RFX2: variants seen among roughly 807,000 people sequenced by gnomAD.
RFX2 encodes the protein DNA-binding protein RFX2.
Under a neutral mutation model 87.8 loss-of-function variants are expected in RFX2, and 20 were observed. The ratio of observed to expected loss-of-function variants is 0.23; its 90% CI spans 0.16 to 0.33. RFX2 has a LOEUF of 0.33. RFX2 is among the 10% of genes least tolerant of loss of function. RFX2 has a pLI of 1.00. For missense variants in RFX2, 767 were observed against 1,012.3 expected, an observed-to-expected ratio of 0.76 and a Z score of 3.29; for synonymous variants, 397 against 431.3, an observed-to-expected ratio of 0.92 and a Z score of 0.98.
At chr19:6,086,758 C>T (rs150412983) in intron 1 of RFX2, among the ~76,000 whole-genome samples, 6 of 152,272 alleles carry the variant, frequency 3.9e-5, no homozygotes, top group East Asian at 1.9e-4. Context: ...TTCAGTGATG[C>T]GCTTCCTTAC....
Position 6,094,024 on chromosome 19 carries a change from T to A in RFX2, c.-9+16369A>T, listed in dbSNP as rs183827507. Among the ~76,000 whole-genome samples the A allele has an allele frequency of 3.3e-5, 5 of 152,264 alleles. No individual in the cohort carries two copies. In the East Asian group the frequency reaches 9.7e-4, roughly 29 times the overall value. On this transcript the variant is annotated intron_variant, in intron 1 of 17. Transcript: ENST00000303657. Reference sequence around the variant, plus strand: ...GAATTAGATGGTGGTGATGGTTGCATAACCTTGTGAATATACTGAAAGCCA... The same window carrying A: ...GAATTAGATGGTGGTGATGGTTGCAAAACCTTGTGAATATACTGAAAGCCA...
intron 1 of RFX2, among the ~76,000 whole-genome samples, chr19:6,075,319 G>C (rs1359588597): frequency 6.6e-6 from 1 of 152,108 alleles, no homozygotes; most frequent in African/African-American, 2.4e-5. Flanking sequence ...AGAGACACAA[G>C]GAGGCCACAG....
rs58794588 is a variant in RFX2 at position 6,063,569 on chromosome 19, G to A, written c.-8-16065C>T. 6.6e-6 allele frequency among the ~76,000 whole-genome samples: 1 copy of A among 152,202 alleles called. No individual in the cohort carries two copies. The highest frequency in any genetic ancestry group is 2.4e-5 in the African/African-American group (1 of 41,452). On this transcript the variant is annotated intron_variant, in intron 1 of 17. Transcript: ENST00000303657. This position sits in a 1 kb window ranked among gnomAD's most constrained non-coding sequence, Gnocchi z 4.0. The stretch of plus-strand genomic sequence containing the variant: ...AAGTCCACCCGCCCATGACAGCTAA[G>A]ATTAAAGTGACTGCTGCGTTGAAGA...
In RFX2 at chr19:6,011,137, TTAAAATAAAA is replaced by T. The variant is rs57004871; in HGVS notation, c.900-896_900-887del. On this transcript the variant is annotated intron_variant, in intron 8 of 17. Transcript: ENST00000303657. The surrounding 1 kb of genome is among the most constrained non-coding windows in gnomAD (Gnocchi z 4.8). ...GTCTCAAAAAAAATAAATAAATTAA[TTAAAATAAAA>T]TAAAATAAAATAAAATAAAAGGGAG... 7.3e-4 allele frequency among the ~76,000 whole-genome samples: 110 copies of T among 151,142 alleles called. No homozygotes were observed. The highest frequency in any genetic ancestry group is 2.2e-3 in the African/African-American group (90 of 40,804).
rs2086538026 is a variant in RFX2 at position 6,004,056 on chromosome 19, G to A, written c.1500+145C>T. On this transcript the variant is annotated intron_variant, in intron 13 of 17. Coordinates refer to ENST00000303657, the MANE Select transcript of RFX2 (RefSeq NM_000635.4). This position sits in a 1 kb window ranked among gnomAD's most constrained non-coding sequence, Gnocchi z 4.8. Reference sequence around the variant, plus strand: ...AGCACTGACGCGTCACCGGCAGTGTGCTCAGGGCTTCCTGAAGGGATCGGT... The same window carrying A: ...AGCACTGACGCGTCACCGGCAGTGTACTCAGGGCTTCCTGAAGGGATCGGT... 2 of 680,898 alleles carry A rather than the reference G, an allele frequency of 2.9e-6. No individual in the cohort carries two copies. The highest frequency in any genetic ancestry group is 1.6e-5 in the South Asian group (1 of 60,654). 42.2% of individuals were successfully genotyped at this position (680,898 alleles called of 1,614,324 possible).
intron 1 of RFX2, among the ~76,000 whole-genome samples, chr19:6,068,639 G>C (rs2087548196): frequency 6.6e-6 from 1 of 152,070 alleles, no homozygotes; most frequent in Admixed American, 6.6e-5. Flanking sequence ...TCCTAATGGA[G>C]GGAAAAGCCA....
In RFX2 at chr19:6,016,226, G is replaced by C. The variant is rs927662582; in HGVS notation, c.643C>G (p.Leu215Val). 1 of 1,612,452 alleles carries C rather than the reference G, an allele frequency of 6.2e-7. No individual in the cohort carries two copies. The highest frequency in any genetic ancestry group is 1.3e-5 in the African/African-American group (1 of 74,894). ...DNYETAEGVS[L>V]PRSSLYNHYL... is the part of the protein sequence containing the mutation. The stretch of plus-strand genomic sequence containing the variant: ...TGGTTGTAAAGAGAACTTCTGGGGA[G>C]ACTCACACCTTCCGCTGTTTCATAA... The change falls in exon 7 of 18, where the codon CTC (leucine) becomes GTC (valine). Residue 215 changes from leucine (L) to valine (V), a missense_variant. This residue lies in a region of RFX2 where 621 missense variants were observed against 873.0 expected (regional missense o/e 0.71). Coordinates refer to ENST00000303657, the MANE Select transcript of RFX2 (RefSeq NM_000635.4). This position sits in a 1 kb window ranked among gnomAD's most constrained non-coding sequence, Gnocchi z 5.4.
chr19:5,994,949 A>C lies in RFX2; in HGVS notation c.2058T>G (p.Asp686Glu). Residue 686 changes from aspartate to glutamate, a missense_variant and splice_region_variant, in exon 18 of 18, where the codon GAT becomes GAG. Physicochemically the swap from Asp to Glu is conservative, Grantham distance 45 (BLOSUM62 2). This residue lies in a region of RFX2 where 621 missense variants were observed against 873.0 expected (regional missense o/e 0.71). Coordinates refer to ENST00000303657, the MANE Select transcript of RFX2 (RefSeq NM_000635.4). ...ASLSLTLLDK[D>E]DMGDEQRGSE... ...TGCCACGCTGCTCATCGCCCATGTC[A>C]TCTGCGGAGGGAGGGGTAGGGTCAG... 1 of 1,604,324 alleles carries C rather than the reference A, an allele frequency of 6.2e-7. No homozygotes were observed. Among genetic ancestry groups the C allele is most frequent in the Non-Finnish European group, 8.5e-7 (1 of 1,178,420 alleles).
chr19:6,047,484 C>T lies in RFX2; in HGVS notation c.13G>A (p.Glu5Lys), dbSNP rs142338131. The change falls in exon 2 of 18, where the codon GAG (glutamate) becomes AAG (lysine). Residue 5 changes from glutamate (E) to lysine (K), a missense_variant. By Grantham distance (56) the Glu-to-Lys change is moderately conservative (BLOSUM62 1). Coordinates refer to ENST00000303657, the MANE Select transcript of RFX2 (RefSeq NM_000635.4). The surrounding 1 kb of genome is among the most constrained non-coding windows in gnomAD (Gnocchi z 4.2). MQNS[E>K]GGADSPASVA... is the part of the protein sequence containing the mutation. ...GACGCTGGCGAATCCGCTCCACCCTCGGAATTCTGCATGCTCAGGTCTAAA... is the reference window on the plus strand; with the variant it reads ...GACGCTGGCGAATCCGCTCCACCCTTGGAATTCTGCATGCTCAGGTCTAAA... 1.9e-4 allele frequency: 306 copies of T among 1,608,650 alleles called. No homozygotes were observed. The African/African-American group carries it at 2.9e-3, about 15-fold the overall frequency.
Position 5,997,241 on chromosome 19 carries a change from A to G in RFX2, c.1860-28T>C. 1 of 1,598,244 alleles carries G rather than the reference A, an allele frequency of 6.3e-7. No homozygotes were observed. Among genetic ancestry groups the G allele is most frequent in the Non-Finnish European group, 8.5e-7 (1 of 1,175,902 alleles). On this transcript the variant is annotated intron_variant, in intron 15 of 17. Coordinates refer to ENST00000303657, the MANE Select transcript of RFX2 (RefSeq NM_000635.4). This position sits in a 1 kb window ranked among gnomAD's most constrained non-coding sequence, Gnocchi z 4.2. Reference sequence around the variant, plus strand: ...GGGGACAAGCGGACAGAGGCTGGGGACCCTCAGGGGAGCATGGAACCCGGG... The same window carrying G: ...GGGGACAAGCGGACAGAGGCTGGGGGCCCTCAGGGGAGCATGGAACCCGGG...
At chr19:6,094,262 T>A (rs756805172) in intron 1 of RFX2, among the ~76,000 whole-genome samples, 50 of 152,082 alleles carry the variant, frequency 3.3e-4, no homozygotes, top group Non-Finnish European at 6.0e-4. Context: ...GATTTTTTTT[T>A]AATGATGAAA....
chr19:5,997,769 C>T lies in RFX2; in HGVS notation c.1860-556G>A, dbSNP rs934444183. ...GGTTTCAGAGACTTCAGCCCAGATC[C>T]AGTCCGCGTCCAGCCCTCAGCCTGT... On this transcript the variant is annotated intron_variant, in intron 15 of 17. Coordinates refer to ENST00000303657, the MANE Select transcript of RFX2 (RefSeq NM_000635.4). The surrounding 1 kb of genome is among the most constrained non-coding windows in gnomAD (Gnocchi z 4.2). Among the ~76,000 whole-genome samples the T allele has an allele frequency of 2.6e-5, 4 of 152,202 alleles. No homozygotes were observed. The highest frequency in any genetic ancestry group is 9.6e-5 in the African/African-American group (4 of 41,458).
intron 1 of RFX2, among the ~76,000 whole-genome samples, chr19:6,091,763 G>A (rs895574367): frequency 2.6e-5 from 4 of 152,204 alleles, no homozygotes; most frequent in African/African-American, 9.7e-5. Flanking sequence ...AGTAGGTGTG[G>A]GGAAATCTGT....
At chr19:6,072,574 G>A (rs1471777098) in intron 1 of RFX2, among the ~76,000 whole-genome samples, 2 of 151,944 alleles carry the variant, frequency 1.3e-5, no homozygotes, top group Non-Finnish European at 2.9e-5. Flanking sequence ...GGTAAGGTGG[G>A]TGTGCCTGCG....
intron 1 of RFX2, among the ~76,000 whole-genome samples, chr19:6,085,406 C>T (rs939631833): frequency 1.3e-5 from 2 of 152,210 alleles, no homozygotes; most frequent in Non-Finnish European, 2.9e-5. Flanking sequence ...TGCTTATTGG[C>T]CATCTGAATA....
intron 1 of RFX2, among the ~76,000 whole-genome samples, chr19:6,055,002 A>G (rs1474420935): frequency 1.3e-5 from 2 of 152,228 alleles, no homozygotes; most frequent in Non-Finnish European, 2.9e-5. Flanking sequence ...CTATATCTAT[A>G]TATATAAACT....
At chr19:6,049,791 G>C (rs554050451) in intron 1 of RFX2, among the ~76,000 whole-genome samples, 1 of 152,202 alleles carries the variant, frequency 6.6e-6, no homozygotes, top group Non-Finnish European at 1.5e-5. Flanking sequence ...GCCTCCCAAA[G>C]TGCTGGGATT....
rs752259600 is a variant in RFX2 at position 6,042,039 on chromosome 19, C to T, written c.260+5G>A. On this transcript the variant is annotated splice_donor_5th_base_variant and intron_variant, in intron 4 of 17. Coordinates refer to ENST00000303657, the MANE Select transcript of RFX2 (RefSeq NM_000635.4). ...CCGGGTGTGGCCCGCGGGAGAAGCA[C>T]GCACATGGCTCCATTGGTGTAGACG... 2.5e-6 allele frequency: 4 copies of T among 1,613,184 alleles called. No homozygotes were observed. The highest frequency in any genetic ancestry group is 1.3e-5 in the African/African-American group (1 of 75,038).
rs961722205 is a variant in RFX2, at chr19:5,993,707, C to T, written c.*1128G>A. Reference sequence around the variant, plus strand: ...CCAGCACGCAGCTGTCCAACTGCAGCGGCTACGTGTTTCCATGGAGACAAA... The same window carrying T: ...CCAGCACGCAGCTGTCCAACTGCAGTGGCTACGTGTTTCCATGGAGACAAA... On this transcript the variant is annotated 3_prime_UTR_variant, in exon 18 of 18. Coordinates refer to ENST00000303657, the MANE Select transcript of RFX2 (RefSeq NM_000635.4). 2 of 152,354 alleles carry T rather than the reference C, an allele frequency of 1.3e-5. No homozygotes were observed. The highest frequency in any genetic ancestry group is 2.1e-4 in the South Asian group (1 of 4,830). The allele number at this position is 152,354 out of a possible 1,614,324, so 9.4% of individuals were successfully genotyped here.
Sources: gnomAD v4.1 joint callset for allele counts (sites outside exome capture counted in the v4.1 genomes callset) on GRCh38, gnomAD v4.1.1 for gene constraint, gnomAD v4.1.1 regional missense constraint, Gnocchi (gnomAD v3.1) non-coding constraint, MANE v1.5 for transcripts, NCBI Gene and HGNC (gene_info 2026-07-23, HGNC 2026-07-21) for gene names.